FGR: variants seen among roughly 807,000 people sequenced by gnomAD.
The protein encoded by FGR is FGR proto-oncogene, Src family tyrosine kinase, also known as tyrosine-protein kinase Fgr.
In FGR, 26 loss-of-function variants were observed where a neutral mutation model predicts 63.2. The ratio of observed to expected loss-of-function variants is 0.41; its 90% CI spans 0.30 to 0.57. The LOEUF (loss-of-function observed/expected upper bound fraction) is 0.57. FGR is among the 20% of genes least tolerant of loss of function. The probability of loss-of-function intolerance (pLI) is 0.27; values close to 1 mark genes in which losing one functional copy is unlikely to be tolerated. For synonymous variants in FGR, 286 were observed against 277.7 expected (o/e 1.03, Z -0.30); for missense variants, 511 against 690.8 (o/e 0.74, Z 2.92).
At position 27,616,704 on chromosome 1, in the gene FGR, G is replaced by C. The variant is rs2089818681; in HGVS notation, c.682+153C>G. Among the ~76,000 whole-genome samples the C allele has an allele frequency of 6.6e-6, 1 of 152,212 alleles. No homozygotes were observed. The highest frequency in any genetic ancestry group is 2.4e-5 in the African/African-American group (1 of 41,438). ...CTGCTTTCCTCCAGAAGCTCACAGA[G>C]CTGGATCCTGGGCTGGCAGACCCCA... On this transcript the variant is annotated intron_variant, in intron 7 of 12. Coordinates refer to ENST00000374005, the MANE Select transcript of FGR (RefSeq NM_005248.3). The surrounding 1 kb of genome is among the most constrained non-coding windows in gnomAD (Gnocchi z 4.3).
At chr1:27,632,941 C>T (rs1285356910) in intron 1 of FGR, among the ~76,000 whole-genome samples, 14 of 152,160 alleles carry the variant, frequency 9.2e-5, no homozygotes, top group Admixed American at 8.5e-4. Context: ...TCTGGGGTTC[C>T]CTACCCAGCC....
Position 27,615,296 on chromosome 1 carries a change from G to T in FGR, c.1018+138C>A. ...CGGCTCCCACCTCAGCCCTCCAGTC[G>T]TTTTACACACCTGGTCCCTTAGTGG... is the stretch of plus-strand genomic sequence containing the variant. On this transcript the variant is annotated intron_variant, in intron 9 of 12. Coordinates refer to ENST00000374005, the MANE Select transcript of FGR (RefSeq NM_005248.3). This position sits in a 1 kb window ranked among gnomAD's most constrained non-coding sequence, Gnocchi z 7.6. 2 of 1,055,744 alleles carry T rather than the reference G, an allele frequency of 1.9e-6. No individual in the cohort carries two copies. The highest frequency in any genetic ancestry group is 2.8e-6 in the Non-Finnish European group (2 of 723,322). 65.4% of individuals were successfully genotyped at this position (1,055,744 alleles called of 1,614,324 possible).
Position 27,613,336 on chromosome 1 carries a change from T to A in FGR, c.1264A>T (p.Ile422Phe). The change falls in exon 12 of 13, where the codon ATC (isoleucine) becomes TTC (phenylalanine). Residue 422 changes from isoleucine (I) to phenylalanine (F), a missense_variant. Physicochemically the swap from Ile to Phe is conservative, Grantham distance 21. Transcript: ENST00000374005. ...GCAGCTTCTGGGGCTGTCCACTTGA[T>A]GGGGAACTTGGAACCTGGAGAAGAT... ...YNPCQGSKFP[I>F]KWTAPEAALF... 6.2e-7 allele frequency: 1 copy of A among 1,613,894 alleles called. No individual in the cohort carries two copies. The highest frequency in any genetic ancestry group is 8.5e-7 in the Non-Finnish European group (1 of 1,179,930).
chr1:27,632,644 C>A (rs1247808229), intron 1 of FGR, among the ~76,000 whole-genome samples: 3 of 152,088 alleles, frequency 2.0e-5, no homozygotes, highest in Admixed American at 6.5e-5. Context: ...AAGTGGTTTT[C>A]CACCTGTTGC....
chr1:27,622,753 G>T (rs1415281556), intron 4 of FGR, among the ~76,000 whole-genome samples: 1 of 152,156 alleles, frequency 6.6e-6, no homozygotes, highest in East Asian at 1.9e-4. Flanking sequence ...TGATCCACCC[G>T]CCTTGGCCTC....
In FGR at chr1:27,623,860, A is replaced by T; in HGVS notation, c.57T>A (p.Ala19=). The change falls in exon 3 of 13, where the codon GCT becomes GCA. Residue 19 remains alanine, a synonymous_variant. Transcript: ENST00000374005. ...AGCTTCTGAAGTCCCCTTCCAGGCC[A>T]GCATCCTCCTTGGCCGTGGCCACCG... ...LEPVATAKED[A]GLEGDFRSYG... The T allele has an allele frequency of 6.2e-7, 1 of 1,611,882 alleles. No individual in the cohort carries two copies. The highest frequency in any genetic ancestry group is 8.5e-7 in the Non-Finnish European group (1 of 1,178,160).
intron 2 of FGR, among the ~76,000 whole-genome samples, chr1:27,624,615 ACG>A (rs1191086803): frequency 1.8e-4 from 28 of 151,988 alleles, no homozygotes; most frequent in Admixed American, 1.6e-3. Context: ...TTGTGTGTAT[ACG>A]AGAGTGTATA....
In FGR at chr1:27,615,803, T is replaced by C; in HGVS notation, c.724A>G (p.Thr242Ala). The change falls in exon 8 of 13, where the codon ACC becomes GCC. Residue 242 changes from threonine (T) to alanine (A), a missense_variant. Thr to Ala is a moderately conservative substitution (Grantham distance 58). Transcript: ENST00000374005. The surrounding 1 kb of genome is among the most constrained non-coding windows in gnomAD (Gnocchi z 7.6). ...CCCAGCGTCTGCGGCTTCATGATGG[T>C]GCAGGGCGCGATGAGCAGGTTGCAC... is the stretch of plus-strand genomic sequence containing the variant. Reference protein sequence around the residue: ...GLCNLLIAPCTIMKPQTLGLA... With the variant: ...GLCNLLIAPCAIMKPQTLGLA... The C allele has an allele frequency of 1.3e-6, 2 of 1,599,522 alleles. No individual in the cohort carries two copies. Among genetic ancestry groups the C allele is most frequent in the South Asian group, 1.1e-5 (1 of 88,748 alleles).
chr1:27,621,151 T>C lies in FGR; in HGVS notation c.428+408A>G, dbSNP rs986302688. On this transcript the variant is annotated intron_variant, in intron 5 of 12. Transcript: ENST00000374005. ...GCACTTTACAATTTTTTAAAGCTCA[T>C]ACACTGTTGTTTTTACTGGGAGGCA... Among the ~76,000 whole-genome samples the C allele has an allele frequency of 4.6e-5, 7 of 152,124 alleles. No individual in the cohort carries two copies. In the South Asian group the frequency reaches 1.4e-3, roughly 31 times the overall value.
chr1:27,625,784 C>CA (rs1485693561), intron 1 of FGR, among the ~76,000 whole-genome samples: 5 of 152,034 alleles, frequency 3.3e-5, no homozygotes, highest in African/African-American at 4.8e-5. Flanking sequence ...ACTAAAAATA[C>CA]AAAAATTAGC....
chr1:27,634,392 A>G (rs1160775406), intron 1 of FGR, among the ~76,000 whole-genome samples: 1 of 152,120 alleles, frequency 6.6e-6, no homozygotes, highest in African/African-American at 2.4e-5. Context: ...CGCGCCCGGC[A>G]GGAGTCCCCT....
intron 5 of FGR, among the ~76,000 whole-genome samples, chr1:27,620,637 C>T (rs1055064883): frequency 3.3e-5 from 5 of 151,692 alleles, no homozygotes; most frequent in African/African-American, 7.3e-5. Context: ...AATAATATAA[C>T]GGTGTTATTG....
chr1:27,631,768 A>AGGGTGAG (rs978872449), intron 1 of FGR, among the ~76,000 whole-genome samples: 21 of 152,240 alleles, frequency 1.4e-4, no homozygotes, highest in African/African-American at 4.6e-4. Flanking sequence ...AGAAGTTCCC[A>AGGGTGAG]GGGTGAGGTG....
Position 27,612,694 on chromosome 1 carries a change from T to G in FGR, c.*220A>C. On this transcript the variant is annotated 3_prime_UTR_variant, in exon 13 of 13. Transcript: ENST00000374005. ...GGGGCCTAAGTGGAAAAGGAAGAAATAGTGCTTGGGGCCAGAGCGGATGAG... is the reference window on the plus strand; with the variant it reads ...GGGGCCTAAGTGGAAAAGGAAGAAAGAGTGCTTGGGGCCAGAGCGGATGAG... The G allele has an allele frequency of 1.8e-6, 1 of 546,304 alleles. No homozygotes were observed. Among genetic ancestry groups the G allele is most frequent in the Non-Finnish European group, 3.3e-6 (1 of 305,014 alleles). The allele number at this position is 546,304 out of a possible 1,614,324, so 33.8% of individuals were successfully genotyped here.
chr1:27,612,921 T>C lies in FGR; in HGVS notation c.1583A>G (p.Gln528Arg), dbSNP rs765560511. 1.9e-6 allele frequency: 3 copies of C among 1,613,670 alleles called. No homozygotes were observed. The highest frequency in any genetic ancestry group is 2.5e-6 in the Non-Finnish European group (3 of 1,179,850). ...GGTTGATGCCCGGACAGGCTATGTC[T>C]GATCCCCGGGCTGGTACTGTGGTTC... ...SAEPQYQPGD[Q>R]T Residue 528 changes from glutamine (Q) to arginine (R), a missense_variant, in exon 13 of 13, where the codon CAG becomes CGG. By Grantham distance (43) the Gln-to-Arg change is conservative (BLOSUM62 1). Transcript: ENST00000374005.
intron 1 of FGR, among the ~76,000 whole-genome samples, chr1:27,628,935 CAG>C: frequency 6.6e-6 from 1 of 152,298 alleles, no homozygotes; most frequent in African/African-American, 2.4e-5. Flanking sequence ...GCTGAGGCGT[CAG>C]GGGATGTAGG....
Position 27,621,628 on chromosome 1 carries a change from A to G in FGR, c.359T>C (p.Leu120Pro). Residue 120 changes from leucine to proline, a missense_variant, in exon 5 of 13, where the codon CTC (leucine) becomes CCC (proline). Transcript: ENST00000374005. The stretch of plus-strand genomic sequence containing the variant: ...AATGCAGCCAGTTTTTCCGGAGCTG[A>G]GAGACCGAGCCTCCCACCAGTCACC... Reference protein sequence around the residue: ...TEGDWWEARSLSSGKTGCIPS... With the variant: ...TEGDWWEARSPSSGKTGCIPS... 1 of 1,613,906 alleles carries G rather than the reference A, an allele frequency of 6.2e-7. No homozygotes were observed. The highest frequency in any genetic ancestry group is 8.5e-7 in the Non-Finnish European group (1 of 1,179,900).
Position 27,615,046 on chromosome 1 carries a change from G to A in FGR, c.1019-120C>T. ...GGACCCGCCCCTCACTTAGGACCCC[G>A]CGGGTGCCTCAACCCCTCACTTGTC... On this transcript the variant is annotated intron_variant, in intron 9 of 12. Transcript: ENST00000374005. The surrounding 1 kb of genome is among the most constrained non-coding windows in gnomAD (Gnocchi z 7.6). 1 of 631,292 alleles carries A rather than the reference G, an allele frequency of 1.6e-6. No homozygotes were observed. Among genetic ancestry groups the A allele is most frequent in the East Asian group, 3.2e-5 (1 of 31,716 alleles). 39.1% of individuals were successfully genotyped at this position (631,292 alleles called of 1,614,324 possible). A position where few individuals can be genotyped will look rare whatever the true frequency, so the allele number is the denominator to read the frequency against.
At chr1:27,629,350 A>G (rs1213473031) in intron 1 of FGR, among the ~76,000 whole-genome samples, 1 of 152,108 alleles carries the variant, frequency 6.6e-6, no homozygotes, top group Non-Finnish European at 1.5e-5. Flanking sequence ...CACAGAATGA[A>G]CTCCCCTGAG....
Sources: gnomAD v4.1 joint callset for allele counts (sites outside exome capture counted in the v4.1 genomes callset) on GRCh38, gnomAD v4.1.1 for gene constraint, Gnocchi (gnomAD v3.1) non-coding constraint, MANE v1.5 for transcripts, NCBI Gene and HGNC (gene_info 2026-07-23, HGNC 2026-07-21) for gene names.